PPFIA3: variants seen among roughly 807,000 people sequenced by gnomAD.
PPFIA3 encodes PPFI scaffold protein A3.
PPFIA3 carries 26 observed loss-of-function variants against 145.8 expected under a neutral mutation model. The ratio of observed to expected loss-of-function variants is 0.18; its 90% CI spans 0.13 to 0.25. The LOEUF is 0.25. Among genes scored for constraint, PPFIA3 ranks in the 10% least tolerant of loss-of-function variants. The probability of loss-of-function intolerance (pLI) is 1.00; values close to 1 mark genes in which losing one functional copy is unlikely to be tolerated. For synonymous variants in PPFIA3, 645 were observed against 661.4 expected, an observed-to-expected ratio of 0.98 and a Z score of 0.38; for missense variants, 1,008 against 1,587.8, an observed-to-expected ratio of 0.63 and a Z score of 6.21.
Position 49,130,055 on chromosome 19 carries a change from T to G in PPFIA3, c.645T>G (p.Asp215Glu), listed in dbSNP as rs371608072. 292 of 1,612,472 alleles carry G rather than the reference T, an allele frequency of 1.8e-4. No homozygotes were observed. Among genetic ancestry groups the G allele is most frequent in the Non-Finnish European group, 2.3e-4 (277 of 1,179,462 alleles). ...RRSGLEEPGK[D>E]GDGQTLANGL... ...CAGGGCTGGAAGAGCCGGGCAAGGA[T>G]GGGGATGGGCAGGTGAGACATGGAA... The change falls in exon 6 of 30, where the codon GAT (aspartate) becomes GAG (glutamate). Residue 215 changes from aspartate to glutamate, a missense_variant. Around this residue, in one of 11 missense-constraint regions of PPFIA3, gnomAD observed 136 missense variants for 160.7 expected, o/e 0.85. Transcript: ENST00000334186. This position sits in a 1 kb window ranked among gnomAD's most constrained non-coding sequence, Gnocchi z 4.5.
intron 13 of PPFIA3, 64 bp from the exon 14 acceptor site, chr19:49,135,715 G>T (rs1469054472): frequency 3.3e-6 from 5 of 1,499,864 alleles, no homozygotes; most frequent in Non-Finnish European, 4.5e-6. Flanking sequence ...CTGTCTCTGT[G>T]ACCCTTACCT....
In PPFIA3 at chr19:49,130,824, T is replaced by A. The variant is rs960648283; in HGVS notation, c.879+225T>A. 2.0e-5 allele frequency among the ~76,000 whole-genome samples: 3 copies of A among 152,200 alleles called. No homozygotes were observed. The highest frequency in any genetic ancestry group is 4.4e-5 in the Non-Finnish European group (3 of 68,038). ...CCATAACTGCTCGTAATTACTTTGT[T>A]ACCTAACTTTGGGTTCTTCTCTGGT... On this transcript the variant is annotated intron_variant, in intron 7 of 29. Transcript: ENST00000334186. This position sits in a 1 kb window ranked among gnomAD's most constrained non-coding sequence, Gnocchi z 4.5.
In PPFIA3 at chr19:49,138,282, A is replaced by T; in HGVS notation, c.1931A>T (p.Asp644Val). 1 of 1,612,674 alleles carries T rather than the reference A, an allele frequency of 6.2e-7. No homozygotes were observed. Among genetic ancestry groups the T allele is most frequent in the South Asian group, 1.1e-5 (1 of 90,988 alleles). The part of the protein sequence containing the change: ...LESRVSSSGL[D>V]SLGRYRSSCS... ...AGTCGGGTGTCCAGCTCTGGCTTGG[A>T]CTCGTTGGGCCGCTACCGCAGCAGC... The change falls in exon 16 of 30, where the codon GAC becomes GTC. Residue 644 changes from aspartate to valine, a missense_variant. Physicochemically the swap from Asp to Val is radical, Grantham distance 152 (BLOSUM62 -3). This residue lies in a region of PPFIA3 where 202 missense variants were observed against 241.8 expected (regional missense o/e 0.84). Transcript: ENST00000334186.
intron 24 of PPFIA3, 78 bp downstream of exon 24, chr19:49,148,336 A>G: frequency 2.1e-6 from 3 of 1,457,066 alleles, no homozygotes; most frequent in South Asian, 1.3e-5. Flanking sequence ...AGGATTGGCC[A>G]TGGGAGATTC....
chr19:49,145,915 C>T (rs910184170), intron 21 of PPFIA3, 28 bp from the exon 22 acceptor site: 2 of 1,607,676 alleles, frequency 1.2e-6, no homozygotes, highest in Non-Finnish European at 1.7e-6. Context: ...CCCTCTCCCA[C>T]CATCCATTAA....
At chr19:49,142,711 C>CT in intron 20 of PPFIA3, 93 bp from the exon 21 acceptor site, 4 of 1,107,040 alleles carry the variant, frequency 3.6e-6, no homozygotes, top group South Asian at 1.4e-5. Flanking sequence ...TCCCCACCCC[C>CT]TTGCCTTTCC....
chr19:49,134,270 C>T (rs1198659349), intron 11 of PPFIA3, 105 bp downstream of exon 11: 6 of 1,439,484 alleles, frequency 4.2e-6, no homozygotes, highest in Admixed American at 2.3e-5. Context: ...CGGAGGCCTC[C>T]CTAAACCCCG....
chr19:49,128,475 G>C lies in PPFIA3; in HGVS notation c.342+7G>C. The C allele has an allele frequency of 6.2e-7, 1 of 1,610,874 alleles. No homozygotes were observed. The highest frequency in any genetic ancestry group is 1.3e-5 in the African/African-American group (1 of 74,544). On this transcript the variant is annotated splice_region_variant and intron_variant, in intron 3 of 29. Coordinates refer to ENST00000334186, the MANE Select transcript of PPFIA3 (RefSeq NM_003660.4). This position sits in a 1 kb window ranked among gnomAD's most constrained non-coding sequence, Gnocchi z 4.1. ...GGAACGGAACAACACGCGGGTGAGGGGTGTTGAGGGCGGGGCCTAAGTGGG... is the reference window on the plus strand; with the variant it reads ...GGAACGGAACAACACGCGGGTGAGGCGTGTTGAGGGCGGGGCCTAAGTGGG...
intron 17 of PPFIA3, 41 bp from the exon 18 acceptor site, chr19:49,139,920 T>A: frequency 6.2e-7 from 1 of 1,613,604 alleles, no homozygotes; most frequent in Non-Finnish European, 8.5e-7. Flanking sequence ...AGAGGGGGCA[T>A]CTCAGCAAGC....
chr19:49,123,485 G>A (rs2040961614), intron 1 of PPFIA3, among the ~76,000 whole-genome samples: 1 of 151,468 alleles, frequency 6.6e-6, no homozygotes, highest in African/African-American at 2.4e-5. Flanking sequence ...CTGTTGCCCA[G>A]GCCAGAGTGC....
intron 21 of PPFIA3, among the ~76,000 whole-genome samples, chr19:49,143,454 C>T (rs1299486199): frequency 6.6e-6 from 1 of 152,114 alleles, no homozygotes; most frequent in African/African-American, 2.4e-5. Flanking sequence ...CTCACTGCAA[C>T]CCCTGCCTCC....
Position 49,136,927 on chromosome 19 carries a change from GC to G in PPFIA3, c.1853+20del. On this transcript the variant is annotated intron_variant, in intron 15 of 29. Coordinates refer to ENST00000334186, the MANE Select transcript of PPFIA3 (RefSeq NM_003660.4). ...AGGAGATCAAGTGAGCCCTGGCCCC[GC>G]CCCGGCCTGCCCTGCCCTGCCGGAG... 1 of 1,491,266 alleles carries G rather than the reference GC, an allele frequency of 6.7e-7. No homozygotes were observed. Among genetic ancestry groups the G allele is most frequent in the Non-Finnish European group, 9.0e-7 (1 of 1,112,334 alleles). 92.4% of individuals were successfully genotyped at this position (1,491,266 alleles called of 1,614,324 possible).
chr19:49,124,095 A>C (rs1037023308), intron 1 of PPFIA3, among the ~76,000 whole-genome samples: 1 of 151,868 alleles, frequency 6.6e-6, no homozygotes, highest in Non-Finnish European at 1.5e-5. Context: ...TGTAAGTTCC[A>C]AGCAAACTCT....
In PPFIA3 at chr19:49,128,124, G is replaced by A. The variant is rs1307791302; in HGVS notation, c.240+11G>A. 2 of 1,201,182 alleles carry A rather than the reference G, an allele frequency of 1.7e-6. No homozygotes were observed. Among genetic ancestry groups the A allele is most frequent in the South Asian group, 1.3e-5 (1 of 75,538 alleles). The allele number at this position is 1,201,182 out of a possible 1,614,324, so 74.4% of individuals were successfully genotyped here. ...ATCGCGCTGCCCCAGGTCTGGGCGG[G>A]ACAGGGGCGGGGCATGAGGGGGCGG... On this transcript the variant is annotated intron_variant, in intron 2 of 29. Transcript: ENST00000334186. The surrounding 1 kb of genome is among the most constrained non-coding windows in gnomAD (Gnocchi z 4.1).
intron 1 of PPFIA3, among the ~76,000 whole-genome samples, chr19:49,126,566 T>TA (rs1453358525): frequency 6.6e-6 from 1 of 151,098 alleles, no homozygotes; most frequent in Non-Finnish European, 1.5e-5. Flanking sequence ...CTTGCTTTTT[T>TA]TTTTTTTTTT....
intron 15 of PPFIA3, 59 bp from the exon 16 acceptor site, chr19:49,138,146 T>G: frequency 6.8e-7 from 1 of 1,478,256 alleles, no homozygotes; most frequent in Non-Finnish European, 9.0e-7. Context: ...TGCTCCCAGA[T>G]TCCCTCTCCC....
chr19:49,142,881 G>A lies in PPFIA3; in HGVS notation c.2622G>A (p.Leu874=). Residue 874 remains leucine (L), a synonymous_variant, in exon 21 of 30, where the codon CTG becomes CTA. Transcript: ENST00000334186. The part of the protein sequence containing the change: ...NVKSGAIMAN[L]SDTEIQREIG... ...AGAGCGGTGCCATCATGGCCAACCT[G>A]TCAGACACGGAGATCCAGCGCGAGA... 3 of 1,613,964 alleles carry A rather than the reference G, an allele frequency of 1.9e-6. No homozygotes were observed. The highest frequency in any genetic ancestry group is 2.5e-6 in the Non-Finnish European group (3 of 1,180,020).
rs960648283 is a variant in PPFIA3 at position 49,130,824 on chromosome 19, T to C, written c.879+225T>C. Among the ~76,000 whole-genome samples the C allele has an allele frequency of 6.6e-6, 1 of 152,200 alleles. No individual in the cohort carries two copies. The highest frequency in any genetic ancestry group is 2.1e-4 in the South Asian group (1 of 4,830). On this transcript the variant is annotated intron_variant, in intron 7 of 29. Coordinates refer to ENST00000334186, the MANE Select transcript of PPFIA3 (RefSeq NM_003660.4). The surrounding 1 kb of genome is among the most constrained non-coding windows in gnomAD (Gnocchi z 4.5). The stretch of plus-strand genomic sequence containing the variant: ...CCATAACTGCTCGTAATTACTTTGT[T>C]ACCTAACTTTGGGTTCTTCTCTGGT...
rs2041282092 is a variant in PPFIA3 at position 49,146,481 on chromosome 19, A to T, written c.2835+289A>T. 34 of 505,014 alleles carry T rather than the reference A, an allele frequency of 6.7e-5. No homozygotes were observed. In the South Asian group the frequency reaches 8.3e-4, roughly 12 times the overall value. 31.3% of individuals were successfully genotyped at this position (505,014 alleles called of 1,614,324 possible). ...GGGCTTCAATTCTGTAGCTCAGGAG[A>T]GACTGAGCAGCCGGTGTCCCTATAG... On this transcript the variant is annotated intron_variant, in intron 23 of 29. Coordinates refer to ENST00000334186, the MANE Select transcript of PPFIA3 (RefSeq NM_003660.4).
Sources: allele counts gnomAD v4.1 joint callset (sites outside exome capture counted in the v4.1 genomes callset), GRCh38; gene constraint gnomAD v4.1.1; regional missense constraint gnomAD v4.1.1; non-coding constraint Gnocchi (gnomAD v3.1); transcripts MANE v1.5; gene names NCBI Gene and HGNC (gene_info 2026-07-23, HGNC 2026-07-21).